IQGAP2: variants seen among roughly 807,000 people sequenced by gnomAD.
The protein encoded by IQGAP2 is ras GTPase-activating-like protein IQGAP2.
IQGAP2 carries 173 observed loss-of-function variants against 201.3 expected under a neutral mutation model. That is an observed-to-expected ratio of 0.86 (90% CI 0.76 to 0.98). The LOEUF (loss-of-function observed/expected upper bound fraction) is 0.98. Ranked by LOEUF, IQGAP2 falls within the 50% of genes least tolerant of loss-of-function variation. The pLI is 0.00. For missense variants in IQGAP2, 1,687 were observed against 1,864.8 expected, an observed-to-expected ratio of 0.90 and a Z score of 1.76; for synonymous variants, 675 against 673.9, an observed-to-expected ratio of 1.00 and a Z score of -0.03.
At chr5:76,668,650 T>C (rs764313285) in intron 22 of IQGAP2, 31 bp from the exon 23 acceptor site, 3 of 1,576,176 alleles carry the variant, frequency 1.9e-6, no homozygotes, top group South Asian at 2.4e-5. Context: ...TGTGGGATTT[T>C]TTTGTTTTCT....
At chr5:76,551,022 G>T (rs550624737) in intron 2 of IQGAP2, among the ~76,000 whole-genome samples, 2 of 151,670 alleles carry the variant, frequency 1.3e-5, no homozygotes, top group Admixed American at 1.3e-4. Context: ...GTGGCTGGCC[G>T]GGCAGAGAGG....
intron 2 of IQGAP2, among the ~76,000 whole-genome samples, chr5:76,482,471 A>G (rs1333859132): frequency 6.6e-6 from 1 of 152,230 alleles, no homozygotes; most frequent in Non-Finnish European, 1.5e-5. Flanking sequence ...AAATTAAGAC[A>G]TGCCCACACT....
Position 76,554,614 on chromosome 5 carries a change from G to T in IQGAP2, c.147-7782G>T, listed in dbSNP as rs75531184. ...ATGAAAATCAAAACCATAATGAGAT[G>T]CCACTTTGCATCCACTAGGATGGCT... On this transcript the variant is annotated intron_variant, in intron 2 of 35. Coordinates refer to ENST00000274364, the MANE Select transcript of IQGAP2 (RefSeq NM_006633.5). Among the ~76,000 whole-genome samples, 1,502 of 152,254 alleles carry T rather than the reference G, an allele frequency of 9.9e-3. 17 individuals are homozygous for T. Among genetic ancestry groups the T allele is most frequent in the African/African-American group, 0.033 (1,366 of 41,546 alleles).
At chr5:76,590,039 C>T (rs1460617070) in intron 7 of IQGAP2, among the ~76,000 whole-genome samples, 2 of 152,164 alleles carry the variant, frequency 1.3e-5, no homozygotes, top group Admixed American at 6.5e-5. Flanking sequence ...TTTAGTATTG[C>T]AAGCTAAATT....
At chr5:76,615,088 GACTTTAAC>G (rs1372954475) in intron 13 of IQGAP2, among the ~76,000 whole-genome samples, 2 of 152,166 alleles carry the variant, frequency 1.3e-5, no homozygotes, top group African/African-American at 4.8e-5. Context: ...TGGTCATGTT[GACTTTAAC>G]ACTTTTTCTA....
chr5:76,453,065 G>A (rs1205252516), intron 1 of IQGAP2, among the ~76,000 whole-genome samples: 3 of 151,876 alleles, frequency 2.0e-5, no homozygotes, highest in African/African-American at 7.3e-5. Flanking sequence ...ACAGGCTTGC[G>A]CCACCATGCC....
intron 30 of IQGAP2, among the ~76,000 whole-genome samples, chr5:76,690,073 G>A (rs1746132626): frequency 6.6e-6 from 1 of 152,136 alleles, no homozygotes; most frequent in Non-Finnish European, 1.5e-5. Flanking sequence ...TTCAGGGAGA[G>A]CAAGACCCGT....
intron 11 of IQGAP2, among the ~76,000 whole-genome samples, chr5:76,604,474 A>G (rs1221460294): frequency 6.6e-6 from 1 of 152,022 alleles, no homozygotes; most frequent in African/African-American, 2.4e-5. Context: ...AGAATGATTT[A>G]TAATCATATA....
intron 2 of IQGAP2, among the ~76,000 whole-genome samples, chr5:76,482,527 A>G (rs959925277): frequency 2.0e-5 from 3 of 152,204 alleles, no homozygotes; most frequent in Non-Finnish European, 2.9e-5. Context: ...AGGATAGTAC[A>G]TACAGAAGGA....
At chr5:76,554,797 A>T (rs1179141388) in intron 2 of IQGAP2, among the ~76,000 whole-genome samples, 2 of 152,090 alleles carry the variant, frequency 1.3e-5, no homozygotes, top group Admixed American at 1.3e-4. Flanking sequence ...CAGCAATTCT[A>T]CTCTTGGGTA....
chr5:76,677,771 A>C (rs1561583320), intron 28 of IQGAP2, among the ~76,000 whole-genome samples: 2 of 151,994 alleles, frequency 1.3e-5, no homozygotes, highest in Non-Finnish European at 2.9e-5. Flanking sequence ...TCTACTAAAA[A>C]TTTTTTAAAA....
chr5:76,443,693 C>T (rs1753191461), intron 1 of IQGAP2, among the ~76,000 whole-genome samples: 1 of 151,990 alleles, frequency 6.6e-6, no homozygotes, highest in Non-Finnish European at 1.5e-5. Flanking sequence ...TAGCACACAG[C>T]CTAGTAAATT....
At chr5:76,506,246 C>T (rs560442142) in intron 2 of IQGAP2, among the ~76,000 whole-genome samples, 31 of 152,290 alleles carry the variant, frequency 2.0e-4, no homozygotes, top group Non-Finnish European at 3.8e-4. Flanking sequence ...GAGGGCAGGA[C>T]GAAGGACTGG....
At chr5:76,667,904 A>G (rs1262654388) in intron 22 of IQGAP2, among the ~76,000 whole-genome samples, 1 of 93,892 alleles carries the variant, frequency 1.1e-5, no homozygotes, top group Non-Finnish European at 2.3e-5. Flanking sequence ...TTTTTTTGAT[A>G]CAGAGTCTGT....
intron 2 of IQGAP2, among the ~76,000 whole-genome samples, chr5:76,554,324 C>A (rs755707143): frequency 5.3e-5 from 8 of 152,112 alleles, no homozygotes; most frequent in Non-Finnish European, 1.0e-4. Flanking sequence ...AATGAGACTT[C>A]ATCAAGATAA....
At chr5:76,541,840 C>G (rs1742796198) in intron 2 of IQGAP2, among the ~76,000 whole-genome samples, 2 of 152,224 alleles carry the variant, frequency 1.3e-5, no homozygotes, top group African/African-American at 4.8e-5. Flanking sequence ...CTGGAAAGAG[C>G]AGCTTTCCCC....
chr5:76,447,267 C>T (rs763985495), intron 1 of IQGAP2, among the ~76,000 whole-genome samples: 2 of 152,106 alleles, frequency 1.3e-5, no homozygotes, highest in Non-Finnish European at 2.9e-5. Flanking sequence ...TCACACTCGA[C>T]CAGTCAGGTA....
chr5:76,510,805 C>T, intron 2 of IQGAP2: 1 of 448,170 alleles, frequency 2.2e-6, no homozygotes. Context: ...CTCCAAGAGC[C>T]CAGAAGACAC....
chr5:76,625,559 C>G (rs1580654803), intron 13 of IQGAP2, among the ~76,000 whole-genome samples: 1 of 152,102 alleles, frequency 6.6e-6, no homozygotes, highest in Admixed American at 6.5e-5. Flanking sequence ...TGTAGTCTGC[C>G]GCATAGCTAG....
Sources: gnomAD v4.1 joint callset for allele counts (sites outside exome capture counted in the v4.1 genomes callset) on GRCh38, gnomAD v4.1.1 for gene constraint, MANE v1.5 for transcripts, NCBI Gene and HGNC (gene_info 2026-07-23, HGNC 2026-07-21) for gene names.